Variants in SUGCT observed in about 807,000 individuals in gnomAD.
SUGCT encodes succinyl-CoA:glutarate-CoA transferase.
SUGCT carries 41 observed loss-of-function variants against 55.0 expected under a neutral mutation model. That is an observed-to-expected ratio of 0.74 (90% CI 0.58 to 0.97). The LOEUF (loss-of-function observed/expected upper bound fraction) is 0.97. SUGCT is among the 50% of genes least tolerant of loss of function. The pLI is 0.00. For synonymous variants in SUGCT, 187 were observed against 200.4 expected, an observed-to-expected ratio of 0.93 and a Z score of 0.56; for missense variants, 568 against 547.8, an observed-to-expected ratio of 1.04 and a Z score of -0.37.
At chr7:40,546,658 A>G (rs1269159723) in intron 12 of SUGCT, 3 of 152,218 alleles carry the variant, frequency 2.0e-5, no homozygotes, top group African/African-American at 7.2e-5. Context: ...TTTATGATCT[A>G]TCAAATTCAC....
the SUGCT span, among the ~76,000 whole-genome samples, chr7:40,874,197 T>G: frequency 6.6e-6 from 1 of 152,226 alleles, no homozygotes; most frequent in African/African-American, 2.4e-5. Context: ...GGGTAATTTT[T>G]CTGTAGACAC....
chr7:40,420,864 A>G (rs533738600), intron 9 of SUGCT, among the ~76,000 whole-genome samples: 1 of 152,296 alleles, frequency 6.6e-6, no homozygotes, highest in African/African-American at 2.4e-5. Flanking sequence ...AGCTGGAAGC[A>G]GAGCATTGAT....
intron 13 of SUGCT, among the ~76,000 whole-genome samples, chr7:40,831,291 G>A (rs1487092827): frequency 6.6e-6 from 1 of 152,122 alleles, no homozygotes; most frequent in East Asian, 1.9e-4. Flanking sequence ...TCCCTCTACT[G>A]CTGGGACTGT....
At chr7:40,355,952 A>G (rs1168039707) in intron 9 of SUGCT, among the ~76,000 whole-genome samples, 1 of 152,210 alleles carries the variant, frequency 6.6e-6, no homozygotes, top group African/African-American at 2.4e-5. Context: ...TTCTCTTGAT[A>G]TTTTCCTTTT....
At chr7:40,484,273 A>G (rs984977050) in intron 11 of SUGCT, among the ~76,000 whole-genome samples, 2 of 152,212 alleles carry the variant, frequency 1.3e-5, no homozygotes, top group Non-Finnish European at 2.9e-5. Flanking sequence ...TCAATTTTTC[A>G]TATTCCAAAT....
intron 1 of SUGCT, among the ~76,000 whole-genome samples, chr7:40,177,281 A>G (rs1226899978): frequency 6.6e-6 from 1 of 152,120 alleles, no homozygotes; most frequent in Non-Finnish European, 1.5e-5. Flanking sequence ...CCAGCTATTC[A>G]GATCGTGTTC....
intron 12 of SUGCT, among the ~76,000 whole-genome samples, chr7:40,527,995 A>G (rs763781285): frequency 6.6e-6 from 1 of 152,184 alleles, no homozygotes; most frequent in African/African-American, 2.4e-5. Flanking sequence ...TAGTGGATAG[A>G]TATAAGTACA....
intron 7 of SUGCT, among the ~76,000 whole-genome samples, chr7:40,272,093 C>CTA (rs1298207159): frequency 0.012 from 835 of 70,996 alleles, 36 homozygotes; most frequent in African/African-American, 0.022. Flanking sequence ...CTCTCTCTCT[C>CTA]TCTATATATA....
intron 12 of SUGCT, among the ~76,000 whole-genome samples, chr7:40,557,571 G>A (rs1795614507): frequency 6.6e-6 from 1 of 152,100 alleles, no homozygotes; most frequent in Middle Eastern, 3.4e-3. Flanking sequence ...TCAGGAGTTC[G>A]AGACCACCCT....
chr7:40,828,906 G>A (rs1452208969), intron 13 of SUGCT, among the ~76,000 whole-genome samples: 1 of 152,138 alleles, frequency 6.6e-6, no homozygotes, highest in Non-Finnish European at 1.5e-5. Context: ...TTAGCGGTTT[G>A]GGGGCATGAC....
At chr7:41,038,445 C>T in the SUGCT span, among the ~76,000 whole-genome samples, 8,999 of 152,338 alleles carry the variant, frequency 0.059, 379 homozygotes, top group South Asian at 0.13. Context: ...GTTCCGCAGG[C>T]CTGTTTTTAC....
chr7:41,011,380 G>T, the SUGCT span, among the ~76,000 whole-genome samples: 1 of 152,214 alleles, frequency 6.6e-6, no homozygotes, highest in Non-Finnish European at 1.5e-5. Context: ...AAGTGAGAAG[G>T]TGGACACAGA....
At position 40,684,007 on chromosome 7, in the gene SUGCT, T is replaced by A. The variant is rs775004282; in HGVS notation, c.1090-65427T>A. On this transcript the variant is annotated intron_variant, in intron 12 of 13. Transcript: ENST00000335693. ...TGTGTTACTGGCAGAATTCAAATCC[T>A]TGTGGTTGTATGACTGAGGTCTCTG... 16 of 1,608,332 alleles carry A rather than the reference T, an allele frequency of 9.9e-6. No homozygotes were observed. In the Admixed American group the frequency reaches 2.0e-4, roughly 20 times the overall value.
intron 11 of SUGCT, 54 bp from the exon 12 acceptor site, chr7:40,496,230 G>A (rs1791965160): frequency 2.3e-5 from 26 of 1,115,194 alleles, no homozygotes; most frequent in Non-Finnish European, 3.2e-5. Context: ...TGATAGAAGA[G>A]GCTGTGTTAC....
intron 12 of SUGCT, among the ~76,000 whole-genome samples, chr7:40,736,394 C>T (rs1170152726): frequency 6.6e-6 from 1 of 150,462 alleles, no homozygotes; most frequent in Non-Finnish European, 1.5e-5. Flanking sequence ...AGAAAATAGG[C>T]AGAGGCAATA....
At chr7:40,899,562 A>C in the SUGCT span, among the ~76,000 whole-genome samples, 1 of 152,170 alleles carries the variant, frequency 6.6e-6, no homozygotes, top group Non-Finnish European at 1.5e-5. Flanking sequence ...CGGCATTATG[A>C]GTATTCCCGG....
chr7:40,489,661 C>CA (rs1434075222), intron 11 of SUGCT, among the ~76,000 whole-genome samples: 7 of 152,106 alleles, frequency 4.6e-5, no homozygotes, highest in African/African-American at 1.7e-4. Flanking sequence ...AGCCTGGTGA[C>CA]AGAGCGAGAC....
the SUGCT span, among the ~76,000 whole-genome samples, chr7:40,916,868 G>A: frequency 2.0e-5 from 3 of 152,166 alleles, no homozygotes; most frequent in Admixed American, 6.5e-5. Flanking sequence ...GCCTTATGGA[G>A]TCTGGAGTAG....
chr7:40,266,748 G>A (rs1196839309), intron 7 of SUGCT, among the ~76,000 whole-genome samples: 2 of 152,118 alleles, frequency 1.3e-5, no homozygotes, highest in Non-Finnish European at 2.9e-5. Context: ...TGGGCATGAT[G>A]GCTCACGCCT....
Sources: gnomAD v4.1 joint callset for allele counts (sites outside exome capture counted in the v4.1 genomes callset) on GRCh38, gnomAD v4.1.1 for gene constraint, MANE v1.5 for transcripts, NCBI Gene and HGNC (gene_info 2026-07-23, HGNC 2026-07-21) for gene names.